Variants in ANKS1B observed in about 807,000 individuals in gnomAD.
ANKS1B encodes ankyrin repeat and sterile alpha motif domain-containing protein 1B.
A neutral mutation model predicts 148.3 loss-of-function variants in ANKS1B; 36 were observed. The observed-to-expected ratio is 0.24, with a 90% CI of 0.19 to 0.32. The LOEUF is 0.32. Among genes scored for constraint, ANKS1B ranks in the 10% least tolerant of loss-of-function variants. The pLI, the probability that ANKS1B is intolerant of heterozygous loss-of-function variation, is 1.00. For synonymous variants in ANKS1B, 542 were observed against 560.8 expected (o/e 0.97, Z 0.47); for missense variants, 1,157 against 1,542.6 (o/e 0.75, Z 4.19).
chr12:99,398,850 C>T (rs899862616), intron 12 of ANKS1B, among the ~76,000 whole-genome samples: 21 of 152,108 alleles, frequency 1.4e-4, no homozygotes, highest in African/African-American at 4.8e-4. Context: ...AACCTCTATC[C>T]GTCTGTTCTC....
chr12:99,553,594 T>C (rs1236986275), intron 9 of ANKS1B, among the ~76,000 whole-genome samples: 3 of 152,208 alleles, frequency 2.0e-5, no homozygotes, highest in Non-Finnish European at 4.4e-5. Context: ...AGACAATATA[T>C]AACAGAATTA....
At chr12:98,795,569 A>G (rs2098940103) in intron 22 of ANKS1B, 6 of 433,978 alleles carry the variant, frequency 1.4e-5, no homozygotes, top group Admixed American at 2.7e-5. Context: ...TTTAAAAGTT[A>G]TTATGTGGTT....
intron 9 of ANKS1B, among the ~76,000 whole-genome samples, chr12:99,540,565 G>T (rs942350669): frequency 3.3e-5 from 5 of 152,060 alleles, no homozygotes; most frequent in African/African-American, 9.7e-5. Context: ...TCCTTAATTA[G>T]CAATGTGCCA....
chr12:99,359,450 A>G (rs2092311311), intron 12 of ANKS1B, among the ~76,000 whole-genome samples: 1 of 152,134 alleles, frequency 6.6e-6, no homozygotes, highest in Non-Finnish European at 1.5e-5. Context: ...ATTGAAAGAA[A>G]TATTTGTAGT....
At chr12:99,690,101 C>T (rs1599756655) in intron 8 of ANKS1B, among the ~76,000 whole-genome samples, 1 of 152,058 alleles carries the variant, frequency 6.6e-6, no homozygotes, top group East Asian at 1.9e-4. Flanking sequence ...TGAGTGCAAG[C>T]AGGGAAATGC....
chr12:99,087,931 T>A (rs908106915), intron 15 of ANKS1B, among the ~76,000 whole-genome samples: 7 of 84,152 alleles, frequency 8.3e-5, no homozygotes, highest in Non-Finnish European at 1.5e-4. Flanking sequence ...ATTTTCTGTA[T>A]CTCAGTAAGA....
chr12:99,527,756 C>T (rs1199319922), intron 9 of ANKS1B, among the ~76,000 whole-genome samples: 5 of 151,972 alleles, frequency 3.3e-5, no homozygotes, highest in Non-Finnish European at 7.4e-5. Flanking sequence ...GTATCTGCTT[C>T]AAGGTTTTGT....
chr12:98,877,854 A>G (rs1008079234), intron 17 of ANKS1B, among the ~76,000 whole-genome samples: 2 of 152,202 alleles, frequency 1.3e-5, no homozygotes, highest in African/African-American at 4.8e-5. Context: ...TCACAAACTC[A>G]TCCTCTATTT....
At chr12:99,632,984 C>A (rs2098188082) in intron 9 of ANKS1B, among the ~76,000 whole-genome samples, 1 of 134,544 alleles carries the variant, frequency 7.4e-6, no homozygotes, top group African/African-American at 2.8e-5. Flanking sequence ...TGTTCAACTT[C>A]CACCTATGAG....
chr12:99,222,065 T>G lies in ANKS1B; in HGVS notation c.2419+22277A>C, dbSNP rs141095741. ...TGGAAATATCTCTATTAAATTAAAT[T>G]AATGGGTTAAAAAAACAAGATAAAG... is the stretch of plus-strand genomic sequence containing the variant. On this transcript the variant is annotated intron_variant, in intron 14 of 26. Transcript: ENST00000683438. 5.6e-4 allele frequency among the ~76,000 whole-genome samples: 86 copies of G among 152,224 alleles called. 1 individual carries two copies. In the East Asian group the frequency reaches 0.014, roughly 26 times the overall value.
chr12:99,451,786 C>CGTGTGTGTGTGT (rs147892225), intron 10 of ANKS1B, among the ~76,000 whole-genome samples: 3,355 of 150,508 alleles, frequency 0.022, 64 homozygotes, highest in East Asian at 0.054. Context: ...TGTACAGATA[C>CGTGTGTGTGTGT]GTGTGTGTGT....
intron 9 of ANKS1B, among the ~76,000 whole-genome samples, chr12:99,519,041 CTCT>C (rs2096849927): frequency 6.6e-6 from 1 of 151,858 alleles, no homozygotes; most frequent in Admixed American, 6.6e-5. Flanking sequence ...TCCAAAATTC[CTCT>C]TGTTATTGAT....
At chr12:99,343,715 C>T (rs950964598) in intron 12 of ANKS1B, 1 of 152,024 alleles carries the variant, frequency 6.6e-6, no homozygotes, top group Non-Finnish European at 1.5e-5. Flanking sequence ...CTTTTATTTA[C>T]ATCCAATATT....
At chr12:99,480,995 AT>A (rs34470603) in intron 10 of ANKS1B, among the ~76,000 whole-genome samples, 115 of 147,132 alleles carry the variant, frequency 7.8e-4, no homozygotes, top group Non-Finnish European at 1.1e-3. Flanking sequence ...ATTTTCACTG[AT>A]TTTTTTTTTT....
chr12:98,916,936 C>A (rs1398814289), intron 17 of ANKS1B, among the ~76,000 whole-genome samples: 1 of 151,892 alleles, frequency 6.6e-6, no homozygotes, highest in Non-Finnish European at 1.5e-5. Flanking sequence ...TTTACTTAAC[C>A]CTTATAGCAG....
chr12:99,413,607 A>G (rs945058681), intron 11 of ANKS1B, among the ~76,000 whole-genome samples: 5 of 152,224 alleles, frequency 3.3e-5, no homozygotes, highest in African/African-American at 1.2e-4. Context: ...TCTTACAGTC[A>G]CTACATTTTT....
intron 9 of ANKS1B, among the ~76,000 whole-genome samples, chr12:99,533,992 C>A (rs1472617365): frequency 6.6e-6 from 1 of 152,094 alleles, no homozygotes; most frequent in Non-Finnish European, 1.5e-5. Context: ...GCTATTTTAA[C>A]AGAAACATTA....
chr12:99,425,030 T>C (rs2095217414), intron 11 of ANKS1B, among the ~76,000 whole-genome samples: 2 of 151,976 alleles, frequency 1.3e-5, no homozygotes, highest in Admixed American at 6.6e-5. Flanking sequence ...TATAAATTAG[T>C]TCTGACCACG....
chr12:99,767,094 AT>A (rs1021763619), intron 8 of ANKS1B, among the ~76,000 whole-genome samples: 23 of 152,290 alleles, frequency 1.5e-4, no homozygotes, highest in African/African-American at 5.0e-4. Flanking sequence ...ATAGCTTGGC[AT>A]TAAAAAAAAC....
Sources: gnomAD v4.1 joint callset for allele counts (sites outside exome capture counted in the v4.1 genomes callset) on GRCh38, gnomAD v4.1.1 for gene constraint, MANE v1.5 for transcripts, NCBI Gene and HGNC (gene_info 2026-07-23, HGNC 2026-07-21) for gene names.